Variants in DOCK1 observed in about 807,000 individuals in gnomAD.
DOCK1 encodes dedicator of cytokinesis 1.
DOCK1 carries 138 observed loss-of-function variants against 262.7 expected under a neutral mutation model. The ratio of observed to expected loss-of-function variants is 0.53; its 90% CI spans 0.46 to 0.61. The LOEUF (loss-of-function observed/expected upper bound fraction) is 0.61, where lower values mean the gene tolerates loss of function less well. Among genes scored for constraint, DOCK1 ranks in the 20% least tolerant of loss-of-function variants. The pLI is 0.00. For synonymous variants in DOCK1, 866 were observed against 867.4 expected, an observed-to-expected ratio of 1.00 and a Z score of 0.03; for missense variants, 1,908 against 2,370.7, an observed-to-expected ratio of 0.80 and a Z score of 4.05.
intron 2 of DOCK1, among the ~76,000 whole-genome samples, chr10:126,975,013 C>T (rs546276214): frequency 6.6e-6 from 1 of 152,152 alleles, no homozygotes; most frequent in South Asian, 2.1e-4. Context: ...TCCTGCCTCC[C>T]ATAGAAAACC....
At chr10:127,028,606 G>A (rs923132220) in intron 16 of DOCK1, among the ~76,000 whole-genome samples, 6 of 152,144 alleles carry the variant, frequency 3.9e-5, no homozygotes, top group Admixed American at 3.3e-4. Context: ...GGAGTGGCGA[G>A]GCCACTTCTT....
At chr10:126,925,014 T>C (rs1445242207) in intron 1 of DOCK1, among the ~76,000 whole-genome samples, 2 of 152,254 alleles carry the variant, frequency 1.3e-5, no homozygotes, top group Non-Finnish European at 2.9e-5. Context: ...TCTTTTTAAA[T>C]GTGTCAACCC....
chr10:127,275,993 G>A (rs937229990), intron 29 of DOCK1, among the ~76,000 whole-genome samples: 18 of 152,324 alleles, frequency 1.2e-4, no homozygotes, highest in South Asian at 2.1e-4. Flanking sequence ...GCCTTATTAC[G>A]TAATGCCCTG....
At chr10:127,281,996 T>C (rs1337994444) in intron 29 of DOCK1, among the ~76,000 whole-genome samples, 1 of 152,198 alleles carries the variant, frequency 6.6e-6, no homozygotes, top group Non-Finnish European at 1.5e-5. Flanking sequence ...ATAAATACAC[T>C]AATACTACAA....
rs2048185898 is a variant in DOCK1 at position 127,100,618 on chromosome 10, G to T, written c.2446-5613G>T. ...GGTGAGGTCCCTTGTGGGATATGTG[G>T]AGGGACCCCGAGGAACCCACAGGCA... On this transcript the variant is annotated intron_variant, in intron 23 of 51. Coordinates refer to ENST00000623213, the MANE Select transcript of DOCK1 (RefSeq NM_001290223.2). The surrounding 1 kb of genome is among the most constrained non-coding windows in gnomAD (Gnocchi z 5.5). Among the ~76,000 whole-genome samples, 1 of 152,126 alleles carries T rather than the reference G, an allele frequency of 6.6e-6. No homozygotes were observed. The highest frequency in any genetic ancestry group is 2.4e-5 in the African/African-American group (1 of 41,434).
intron 22 of DOCK1, among the ~76,000 whole-genome samples, chr10:127,058,650 C>A (rs1023702577): frequency 6.6e-6 from 1 of 150,992 alleles, no homozygotes; most frequent in Non-Finnish European, 1.5e-5. Flanking sequence ...GATTTTTAAA[C>A]ATATTATTTG....
chr10:127,250,607 A>G (rs1032572825), intron 28 of DOCK1, among the ~76,000 whole-genome samples: 2 of 152,038 alleles, frequency 1.3e-5, no homozygotes, highest in Non-Finnish European at 2.9e-5. Context: ...CCTGGCCAAC[A>G]TGGCAAAACC....
intron 15 of DOCK1, chr10:127,026,066 A>AAAAAAG: frequency 6.7e-6 from 2 of 297,774 alleles, no homozygotes; most frequent in East Asian, 1.2e-4. Flanking sequence ...TATCAAAAAA[A>AAAAAAG]AAAAAAGAAA....
intron 27 of DOCK1, among the ~76,000 whole-genome samples, chr10:127,145,491 CTG>C (rs1456641521): frequency 2.6e-5 from 4 of 152,258 alleles, no homozygotes; most frequent in South Asian, 4.2e-4. Flanking sequence ...TTGACAGAAA[CTG>C]TGTTATAACT....
chr10:127,028,637 T>G (rs549669873), intron 16 of DOCK1, among the ~76,000 whole-genome samples: 1 of 152,272 alleles, frequency 6.6e-6, no homozygotes, highest in Admixed American at 6.5e-5. Flanking sequence ...TTTATTGAGT[T>G]CCTGCTGTAT....
chr10:127,404,198 T>TCTCCCACCATCTCCCC (rs1426218051), intron 39 of DOCK1, 127 bp from the exon 40 acceptor site: 1 of 659,522 alleles, frequency 1.5e-6, no homozygotes, highest in Non-Finnish European at 2.6e-6. Flanking sequence ...ACCATCTCCC[T>TCTCCCACCATCTCCCC]CTCCCACCAT....
chr10:127,433,836 C>G (rs1192207201), intron 48 of DOCK1, among the ~76,000 whole-genome samples: 1 of 144,806 alleles, frequency 6.9e-6, no homozygotes. Context: ...GTGATTTCTT[C>G]TTTTTTTTTT....
At chr10:127,062,674 C>T (rs917340334) in intron 23 of DOCK1, among the ~76,000 whole-genome samples, 3 of 152,212 alleles carry the variant, frequency 2.0e-5, no homozygotes, top group African/African-American at 7.2e-5. Context: ...TCCCTAGGTG[C>T]TCTTAAATAT....
intron 27 of DOCK1, among the ~76,000 whole-genome samples, chr10:127,195,750 C>T (rs914330416): frequency 6.6e-6 from 1 of 152,178 alleles, no homozygotes; most frequent in African/African-American, 2.4e-5. Flanking sequence ...CCAGACGCCC[C>T]TCAGCGACCC....
chr10:127,094,101 G>A (rs546704757), intron 23 of DOCK1, among the ~76,000 whole-genome samples: 1 of 152,218 alleles, frequency 6.6e-6, no homozygotes, highest in East Asian at 1.9e-4. Context: ...GGCTGAGGTG[G>A]GAGTATCACT....
intron 27 of DOCK1, among the ~76,000 whole-genome samples, chr10:127,161,930 A>G (rs1243181187): frequency 5.3e-5 from 8 of 152,200 alleles, no homozygotes; most frequent in Non-Finnish European, 1.2e-4. Flanking sequence ...TTCCAGAGAA[A>G]CTTAGCAGCT....
intron 48 of DOCK1, among the ~76,000 whole-genome samples, chr10:127,433,636 C>G (rs2069454135): frequency 1.3e-5 from 2 of 152,074 alleles, no homozygotes; most frequent in Admixed American, 1.3e-4. Context: ...AAAACATCCT[C>G]TCTTTGGGTA....
chr10:127,186,850 GACAA>G (rs1019552199), intron 27 of DOCK1, among the ~76,000 whole-genome samples: 2 of 151,912 alleles, frequency 1.3e-5, no homozygotes, highest in African/African-American at 2.4e-5. Context: ...GAAATGCACA[GACAA>G]ACAGACACAT....
chr10:126,978,287 G>T (rs2038699566), intron 3 of DOCK1, among the ~76,000 whole-genome samples: 2 of 152,282 alleles, frequency 1.3e-5, no homozygotes, highest in South Asian at 4.1e-4. Context: ...GTCAGAGAAT[G>T]ATCCGAGTAA....
Sources: allele counts gnomAD v4.1 joint callset (sites outside exome capture counted in the v4.1 genomes callset), GRCh38; gene constraint gnomAD v4.1.1; non-coding constraint Gnocchi (gnomAD v3.1); transcripts MANE v1.5; gene names NCBI Gene and HGNC (gene_info 2026-07-23, HGNC 2026-07-21).